CCSER2: variants seen among roughly 807,000 people sequenced by gnomAD.
CCSER2 encodes the protein serine-rich coiled-coil domain-containing protein 2.
Under a neutral mutation model 92.3 loss-of-function variants are expected in CCSER2, and 46 were observed. The observed-to-expected ratio is 0.50, with a 90% CI of 0.39 to 0.64. The LOEUF (loss-of-function observed/expected upper bound fraction) is 0.64, where lower values mean the gene tolerates loss of function less well. CCSER2 is among the 30% of genes least tolerant of loss of function. CCSER2 has a pLI of 0.00. For synonymous variants in CCSER2, 433 were observed against 431.4 expected (o/e 1.00, Z -0.04); for missense variants, 1,244 against 1,238.9 (o/e 1.00, Z -0.06).
At chr10:84,334,876 T>C (rs1241799126) in intron 1 of CCSER2, among the ~76,000 whole-genome samples, 2 of 152,208 alleles carry the variant, frequency 1.3e-5, no homozygotes, top group African/African-American at 4.8e-5. Flanking sequence ...TGCCTTCTCC[T>C]GTTTTCATCT....
At chr10:84,386,536 G>GTCTCTA in intron 3 of CCSER2, among the ~76,000 whole-genome samples, 1 of 152,172 alleles carries the variant, frequency 6.6e-6, no homozygotes, top group Non-Finnish European at 1.5e-5. Context: ...GGCCAACATG[G>GTCTCTA]CTAAACCCTG....
intron 1 of CCSER2, among the ~76,000 whole-genome samples, chr10:84,354,616 T>C (rs1845058756): frequency 7.2e-6 from 1 of 139,824 alleles, no homozygotes; most frequent in Non-Finnish European, 1.5e-5. Flanking sequence ...CTTTCTCTCC[T>C]TGTTGTACAT....
chr10:84,457,349 TAA>T (rs1236245069), intron 6 of CCSER2, among the ~76,000 whole-genome samples: 12 of 64,086 alleles, frequency 1.9e-4, no homozygotes, highest in East Asian at 1.1e-3. Flanking sequence ...ATATTATATA[TAA>T]TATATATATT....
chr10:84,443,048 AAGAAAACCT>A (rs2133541405), intron 6 of CCSER2, among the ~76,000 whole-genome samples: 1 of 152,340 alleles, frequency 6.6e-6, no homozygotes, highest in East Asian at 1.9e-4. Context: ...AAAACTCTAG[AAGAAAACCT>A]AGGAAATACC....
rs190063172 is a variant in CCSER2 at position 84,512,824 on chromosome 10, C to T, written c.2326-625C>T. ...ATAGGAGTGAGACAGAACAAATAAA[C>T]TTTGAAACATTTTATTTGGAAACTT... On this transcript the variant is annotated intron_variant, in intron 9 of 9. Coordinates refer to ENST00000372088, the MANE Select transcript of CCSER2 (RefSeq NM_001284240.2). Among the ~76,000 whole-genome samples, 419 of 152,272 alleles carry T rather than the reference C, an allele frequency of 2.8e-3. 3 individuals are homozygous for T. The highest frequency in any genetic ancestry group is 0.01 in the Middle Eastern group (3 of 294).
At chr10:84,385,915 G>A (rs559731633) in intron 3 of CCSER2, among the ~76,000 whole-genome samples, 11 of 151,882 alleles carry the variant, frequency 7.2e-5, no homozygotes, top group African/African-American at 2.7e-4. Flanking sequence ...TTAAAAAAAT[G>A]GGCAAAGGAT....
chr10:84,435,657 CAAG>C (rs1844067809), intron 5 of CCSER2, among the ~76,000 whole-genome samples: 1 of 96,186 alleles, frequency 1.0e-5, no homozygotes, highest in African/African-American at 4.4e-5. Flanking sequence ...AAAAAAAAAA[CAAG>C]AACAACAAAA....
intron 4 of CCSER2, among the ~76,000 whole-genome samples, chr10:84,423,567 T>A (rs1843262558): frequency 6.6e-6 from 1 of 152,206 alleles, no homozygotes; most frequent in Non-Finnish European, 1.5e-5. Flanking sequence ...TCTTCCTCTG[T>A]GTGGACTACT....
At chr10:84,432,033 G>A (rs1183088479) in intron 5 of CCSER2, among the ~76,000 whole-genome samples, 1 of 152,088 alleles carries the variant, frequency 6.6e-6, no homozygotes, top group East Asian at 1.9e-4. Flanking sequence ...CAATGAATGA[G>A]AACTTCTGTT....
At chr10:84,360,336 G>A (rs999501605) in intron 1 of CCSER2, among the ~76,000 whole-genome samples, 1 of 151,910 alleles carries the variant, frequency 6.6e-6, no homozygotes, top group African/African-American at 2.4e-5. Flanking sequence ...ATCAGTTGTG[G>A]TTCTTCTATA....
chr10:84,486,901 A>G (rs932055292), intron 9 of CCSER2, among the ~76,000 whole-genome samples: 1 of 152,174 alleles, frequency 6.6e-6, no homozygotes, highest in Non-Finnish European at 1.5e-5. Flanking sequence ...TCTTTAATCC[A>G]TCTTGAATTA....
intron 3 of CCSER2, among the ~76,000 whole-genome samples, chr10:84,413,292 A>G (rs1004717183): frequency 1.3e-5 from 2 of 152,140 alleles, no homozygotes; most frequent in South Asian, 2.1e-4. Context: ...ATTTCGTGCT[A>G]TAAATTTCCC....
At chr10:84,440,904 A>G (rs1844492885) in intron 6 of CCSER2, among the ~76,000 whole-genome samples, 4 of 152,222 alleles carry the variant, frequency 2.6e-5, no homozygotes, top group African/African-American at 9.6e-5. Context: ...ACAGTCTACT[A>G]CATTCTGATC....
At chr10:84,503,773 G>A (rs1049244576) in intron 9 of CCSER2, among the ~76,000 whole-genome samples, 1 of 152,112 alleles carries the variant, frequency 6.6e-6, no homozygotes, top group Non-Finnish European at 1.5e-5. Flanking sequence ...TTAATGCGAA[G>A]GGAAAAAGTT....
At chr10:84,423,850 A>G (rs997561862) in intron 4 of CCSER2, among the ~76,000 whole-genome samples, 1 of 152,108 alleles carries the variant, frequency 6.6e-6, no homozygotes, top group Non-Finnish European at 1.5e-5. Context: ...GCTAAAAGCA[A>G]TTTTAAATCT....
intron 8 of CCSER2, among the ~76,000 whole-genome samples, chr10:84,471,396 A>T (rs1846790844): frequency 6.6e-6 from 1 of 152,140 alleles, no homozygotes; most frequent in Non-Finnish European, 1.5e-5. Context: ...AACCCAATCA[A>T]CTTTCAGGGA....
intron 6 of CCSER2, chr10:84,455,545 G>A (rs1845566416): frequency 7.9e-6 from 3 of 379,250 alleles, no homozygotes; most frequent in South Asian, 4.5e-5. Context: ...CAAAGTGCTG[G>A]GATTACAGGC....
At chr10:84,330,844 A>G (rs1189668942) in intron 1 of CCSER2, among the ~76,000 whole-genome samples, 1 of 152,208 alleles carries the variant, frequency 6.6e-6, no homozygotes, top group Non-Finnish European at 1.5e-5. Context: ...TACAGGAATA[A>G]AAAGGGCATG....
At chr10:84,369,155 T>G (rs1190930996) in intron 1 of CCSER2, among the ~76,000 whole-genome samples, 3 of 152,016 alleles carry the variant, frequency 2.0e-5, no homozygotes, top group Non-Finnish European at 4.4e-5. Context: ...TTTTTTTTTT[T>G]TTTGATACAG....
Sources: allele counts gnomAD v4.1 joint callset (sites outside exome capture counted in the v4.1 genomes callset), GRCh38; gene constraint gnomAD v4.1.1; transcripts MANE v1.5; gene names NCBI Gene and HGNC (gene_info 2026-07-23, HGNC 2026-07-21).